The following RARB variants were observed in gnomAD, a reference collection of about 807,000 sequenced individuals.
The protein encoded by RARB is HBV-activated protein.
A neutral mutation model predicts 51.9 loss-of-function variants in RARB; 17 were observed. The ratio of observed to expected loss-of-function variants is 0.33; its 90% CI spans 0.22 to 0.49. The LOEUF is 0.49. Ranked by LOEUF, RARB falls within the 20% of genes least tolerant of loss-of-function variation. The probability of loss-of-function intolerance (pLI) is 0.99; values close to 1 mark genes in which losing one functional copy is unlikely to be tolerated. For synonymous variants in RARB, 215 were observed against 195.4 expected (o/e 1.10, Z -0.84); for missense variants, 369 against 550.8 (o/e 0.67, Z 3.30).
chr3:25,358,146 CTT>C (rs1342962493), intron 5 of RARB, among the ~76,000 whole-genome samples: 3 of 152,090 alleles, frequency 2.0e-5, no homozygotes, highest in Non-Finnish European at 2.9e-5. Context: ...TGTGTCCTCT[CTT>C]ATTTCCTTGA....
At chr3:25,132,796 C>T (rs1699973911) in intron 4 of RARB, among the ~76,000 whole-genome samples, 6 of 151,714 alleles carry the variant, frequency 4.0e-5, no homozygotes, top group Admixed American at 4.0e-4. Context: ...TCCATGATTC[C>T]ACAATGTGTA....
intron 5 of RARB, among the ~76,000 whole-genome samples, chr3:25,333,012 C>CAACAAAATAAAAGAGGACACA (rs1704951777): frequency 6.6e-6 from 1 of 152,066 alleles, no homozygotes; most frequent in Non-Finnish European, 1.5e-5. Context: ...AACCACTGCT[C>CAACAAAATAAAAGAGGACACA]AACAAAATAA....
In RARB at chr3:25,373,182, A is replaced by T. The variant is rs559705369; in HGVS notation, c.179-88011A>T. ...GTCTAGAGTTGAGGAGGATGCTCGGAGCTAGAGATAAAATTGTTGAAGTCT... is the reference window on the plus strand; with the variant it reads ...GTCTAGAGTTGAGGAGGATGCTCGGTGCTAGAGATAAAATTGTTGAAGTCT... On this transcript the variant is annotated intron_variant, in intron 5 of 11. Transcript: ENST00000383772. Among the ~76,000 whole-genome samples, 7 of 152,324 alleles carry T rather than the reference A, an allele frequency of 4.6e-5. No individual in the cohort carries two copies. The South Asian group carries it at 1.5e-3, about 32-fold the overall frequency.
At chr3:25,315,684 G>C (rs1704404558) in intron 5 of RARB, among the ~76,000 whole-genome samples, 1 of 152,146 alleles carries the variant, frequency 6.6e-6, no homozygotes, top group South Asian at 2.1e-4. Flanking sequence ...CGCAGTCTCA[G>C]CTCACTGCAA....
chr3:24,834,262 T>G (rs932671128), intron 1 of RARB, among the ~76,000 whole-genome samples: 11 of 152,216 alleles, frequency 7.2e-5, no homozygotes, highest in Non-Finnish European at 1.6e-4. Flanking sequence ...ATTGTTAATT[T>G]TAGGAAAATG....
intron 5 of RARB, among the ~76,000 whole-genome samples, chr3:25,177,960 A>T (rs1378926446): frequency 6.6e-6 from 1 of 152,166 alleles, no homozygotes; most frequent in Non-Finnish European, 1.5e-5. Context: ...GTGAAATCAG[A>T]TCATACCCAA....
chr3:24,870,410 T>C (rs1245817915), intron 2 of RARB, among the ~76,000 whole-genome samples: 2 of 152,124 alleles, frequency 1.3e-5, no homozygotes, highest in Admixed American at 1.3e-4. Context: ...CTTATCTCAC[T>C]AATAGTGTTT....
At chr3:25,331,903 G>A (rs1328102317) in intron 5 of RARB, among the ~76,000 whole-genome samples, 6 of 152,176 alleles carry the variant, frequency 3.9e-5, no homozygotes, top group Non-Finnish European at 8.8e-5. Context: ...ACACCTCTAT[G>A]CAAATAAACT....
chr3:24,886,562 A>G (rs188310998), intron 2 of RARB, among the ~76,000 whole-genome samples: 13 of 151,442 alleles, frequency 8.6e-5, no homozygotes, highest in Admixed American at 5.3e-4. Flanking sequence ...CTTTCTCCTC[A>G]GTCTCCTGAG....
chr3:25,451,421 C>T (rs1259844488), intron 1 of RARB, among the ~76,000 whole-genome samples: 3 of 152,174 alleles, frequency 2.0e-5, no homozygotes, highest in Non-Finnish European at 4.4e-5. Flanking sequence ...TATGCAGGCT[C>T]ATGGCATTTT....
chr3:24,928,777 AT>A (rs1356685762), intron 2 of RARB, among the ~76,000 whole-genome samples: 5 of 151,958 alleles, frequency 3.3e-5, no homozygotes, highest in Non-Finnish European at 7.4e-5. Flanking sequence ...TGATAAGATC[AT>A]TTTTCTTCCA....
intron 3 of RARB, among the ~76,000 whole-genome samples, chr3:25,087,038 A>C (rs1699117819): frequency 2.0e-5 from 3 of 152,166 alleles, no homozygotes; most frequent in Admixed American, 2.0e-4. Context: ...GGGCCATTTC[A>C]AAATATGTCC....
At chr3:25,422,479 G>A (rs1559394190) in intron 5 of RARB, among the ~76,000 whole-genome samples, 1 of 152,094 alleles carries the variant, frequency 6.6e-6, no homozygotes, top group Admixed American at 6.6e-5. Flanking sequence ...TCTCTCAAAT[G>A]TTGCCATCAT....
At chr3:25,176,679 C>A (rs1372785762) in intron 5 of RARB, among the ~76,000 whole-genome samples, 2 of 151,990 alleles carry the variant, frequency 1.3e-5, no homozygotes, top group African/African-American at 4.8e-5. Context: ...TAGGCGTGAG[C>A]CACCGTGCCC....
At chr3:25,179,854 T>C (rs1407747500) in intron 5 of RARB, among the ~76,000 whole-genome samples, 1 of 152,132 alleles carries the variant, frequency 6.6e-6, no homozygotes, top group Admixed American at 6.6e-5. Flanking sequence ...CAGACTCTGG[T>C]TGAGTATAAC....
chr3:25,094,562 C>G (rs1308675978), intron 3 of RARB, among the ~76,000 whole-genome samples: 1 of 151,540 alleles, frequency 6.6e-6, no homozygotes, highest in Non-Finnish European at 1.5e-5. Flanking sequence ...ACCAAAAATA[C>G]AAAAAATTAG....
In RARB at chr3:25,145,925, C is replaced by A. The variant is rs1351624723; in HGVS notation, c.-280+13717C>A. On this transcript the variant is annotated intron_variant, in intron 4 of 11. Transcript: ENST00000383772. ...GCTGAGGCAGGAGAATCACTTGAAC[C>A]CAGGAGACAGAGGTTGCAGTGAGGT... is the stretch of plus-strand genomic sequence containing the variant. Among the ~76,000 whole-genome samples, 3 of 151,986 alleles carry A rather than the reference C, an allele frequency of 2.0e-5. No homozygotes were observed. The East Asian group carries it at 5.8e-4, about 29-fold the overall frequency.
At chr3:25,236,891 TATA>T (rs1321406602) in intron 5 of RARB, among the ~76,000 whole-genome samples, 2 of 151,720 alleles carry the variant, frequency 1.3e-5, no homozygotes, top group South Asian at 2.1e-4. Flanking sequence ...AGTTTTCTAA[TATA>T]ATATTTATTT....
At position 25,448,835 on chromosome 3, in the gene RARB, G is replaced by C. The variant is rs573686622; in HGVS notation, c.158-12358G>C. 2.0e-5 allele frequency among the ~76,000 whole-genome samples: 3 copies of C among 152,178 alleles called. No individual in the cohort carries two copies. In the South Asian group the frequency reaches 6.2e-4, roughly 32 times the overall value. On this transcript the variant is annotated intron_variant, in intron 1 of 7. Coordinates refer to ENST00000330688, the MANE Select transcript of RARB (RefSeq NM_000965.5). The stretch of plus-strand genomic sequence containing the variant: ...ATGCATTATGTATTAGCCAAGTAGA[G>C]GGCACAGTAAGGATGTTCAGTGTCT...
Sources: gnomAD v4.1 joint callset for allele counts (sites outside exome capture counted in the v4.1 genomes callset) on GRCh38, gnomAD v4.1.1 for gene constraint, MANE v1.5 for transcripts, NCBI Gene and HGNC (gene_info 2026-07-23, HGNC 2026-07-21) for gene names.